Variants in MINAR1 observed in about 807,000 individuals in gnomAD.
The protein encoded by MINAR1 is membrane integral NOTCH2 associated receptor 1.
A neutral mutation model predicts 65.1 loss-of-function variants in MINAR1; 40 were observed. The observed-to-expected ratio is 0.61, with a 90% CI of 0.48 to 0.80. The LOEUF is 0.80. Ranked by LOEUF, MINAR1 falls within the 30% of genes least tolerant of loss-of-function variation. The probability of loss-of-function intolerance (pLI) is 0.00; values close to 1 mark genes in which losing one functional copy is unlikely to be tolerated. For missense variants in MINAR1, 1,128 were observed against 1,148.0 expected (o/e 0.98, Z 0.25); for synonymous variants, 482 against 449.1 (o/e 1.07, Z -0.93).
chr15:79,446,234 A>G (rs1334306914), intron 1 of MINAR1, among the ~76,000 whole-genome samples: 1 of 152,176 alleles, frequency 6.6e-6, no homozygotes, highest in Non-Finnish European at 1.5e-5. Flanking sequence ...CCTCTTCCAG[A>G]TAACATAGTA....
chr15:79,421,446 T>C, the MINAR1 span: 3 of 152,286 alleles, frequency 2.0e-5, no homozygotes, highest in Admixed American at 6.5e-5. Flanking sequence ...CTCCTGCATC[T>C]TTGCCACTGC....
rs145019483 is a variant in MINAR1 at position 79,472,284 on chromosome 15, TAAAC to T, written c.*3901_*3904del. 0.02 allele frequency: 3,080 copies of T among 152,684 alleles called. 66 individuals are homozygous for T. Among genetic ancestry groups the T allele is most frequent in the Middle Eastern group, 0.058 (17 of 294 alleles). 9.5% of individuals were successfully genotyped at this position (152,684 alleles called of 1,614,324 possible). A position where few individuals can be genotyped will look rare whatever the true frequency, so the allele number is the denominator to read the frequency against. On this transcript the variant is annotated 3_prime_UTR_variant, in exon 4 of 4. Transcript: ENST00000305428. ...TGGCCTCTCCAAATATAATCAGAAA[TAAAC>T]CGAAAAAAATATAAAATGTCTTGCA...
chr15:79,412,072 C>G, the MINAR1 span: 3 of 145,132 alleles, frequency 2.1e-5, no homozygotes, highest in African/African-American at 7.5e-5. Context: ...CAAACCACAC[C>G]ATGTTTGCCA....
intron 3 of MINAR1, among the ~76,000 whole-genome samples, chr15:79,467,597 T>A (rs1462258703): frequency 6.6e-6 from 1 of 152,188 alleles, no homozygotes; most frequent in Admixed American, 6.5e-5. Flanking sequence ...GTGGGAACAG[T>A]CTGCCATGGG....
rs377731083 is a variant in MINAR1, at chr15:79,456,342, C to G, written c.195C>G (p.Phe65Leu). 11 of 1,614,094 alleles carry G rather than the reference C, an allele frequency of 6.8e-6. No homozygotes were observed. Among genetic ancestry groups the G allele is most frequent in the Non-Finnish European group, 9.3e-6 (11 of 1,180,052 alleles). ...CLDPNFPATL[F>L]KDKMKCTVNN... ...ATCCCAATTTTCCAGCCACGCTATT[C>G]AAAGACAAGATGAAATGCACTGTGA... Residue 65 changes from phenylalanine (F) to leucine (L), a missense_variant, in exon 2 of 4, where the codon TTC becomes TTG. Coordinates refer to ENST00000305428, the MANE Select transcript of MINAR1 (RefSeq NM_015206.3).
intron 3 of MINAR1, among the ~76,000 whole-genome samples, chr15:79,466,687 A>AGGGGTGCAGG (rs1895871357): frequency 6.6e-6 from 1 of 152,214 alleles, no homozygotes; most frequent in Admixed American, 6.5e-5. Flanking sequence ...ATAAAGCCTG[A>AGGGGTGCAGG]GGGGTGCAGG....
chr15:79,443,730 C>T (rs951126246), intron 1 of MINAR1, among the ~76,000 whole-genome samples: 1 of 152,066 alleles, frequency 6.6e-6, no homozygotes, highest in African/African-American at 2.4e-5. Context: ...CATTTATTCC[C>T]CCACATTATT....
rs1895995498 is a variant in MINAR1 at position 79,469,499 on chromosome 15, CA to C, written c.*1116del. The C allele has an allele frequency of 2.0e-5, 3 of 152,496 alleles. No individual in the cohort carries two copies. The South Asian group carries it at 6.2e-4, about 32-fold the overall frequency. 9.4% of individuals were successfully genotyped at this position (152,496 alleles called of 1,614,324 possible). A position where few individuals can be genotyped will look rare whatever the true frequency, so the allele number is the denominator to read the frequency against. On this transcript the variant is annotated 3_prime_UTR_variant, in exon 4 of 4. Coordinates refer to ENST00000305428, the MANE Select transcript of MINAR1 (RefSeq NM_015206.3). ...CTCCAGAGTTTTGAATACTTGTCAG[CA>C]GTGCAAAAAATATTATCTGTTTAAC...
In MINAR1 at chr15:79,457,615, C is replaced by A. The variant is rs1429242632; in HGVS notation, c.1468C>A (p.Leu490Met). The change falls in exon 2 of 4, where the codon CTG becomes ATG. Residue 490 changes from leucine to methionine, a missense_variant. Coordinates refer to ENST00000305428, the MANE Select transcript of MINAR1 (RefSeq NM_015206.3). ...GCTGGAGCCCAAGAAATGCAGAGAC[C>A]TGTGCACCTCTGGTCAGGGCAAGTA... Reference protein sequence around the residue: ...HVLEPKKCRDLCTSGQGKYSD... With the variant: ...HVLEPKKCRDMCTSGQGKYSD... The A allele has an allele frequency of 6.2e-7, 1 of 1,614,156 alleles. No individual in the cohort carries two copies. The highest frequency in any genetic ancestry group is 1.7e-5 in the Admixed American group (1 of 60,020).
intron 1 of MINAR1, among the ~76,000 whole-genome samples, chr15:79,449,161 C>T (rs1019486781): frequency 1.3e-5 from 2 of 152,154 alleles, no homozygotes; most frequent in East Asian, 1.9e-4. Context: ...TTCTTCCCTT[C>T]GCTGTATACG....
At chr15:79,463,713 T>A (rs1033590519) in intron 3 of MINAR1, 2 of 469,234 alleles carry the variant, frequency 4.3e-6, no homozygotes, top group Non-Finnish European at 8.5e-6. Flanking sequence ...ATAAGCATAT[T>A]TGTGGGAGCC....
At chr15:79,449,714 C>G (rs1895130520) in intron 1 of MINAR1, among the ~76,000 whole-genome samples, 1 of 152,074 alleles carries the variant, frequency 6.6e-6, no homozygotes, top group Non-Finnish European at 1.5e-5. Context: ...GGTCCTACTT[C>G]TTAAAACTAT....
chr15:79,452,640 GGGT>G (rs1567055304), intron 1 of MINAR1, among the ~76,000 whole-genome samples: 12 of 150,336 alleles, frequency 8.0e-5, no homozygotes, highest in African/African-American at 2.7e-4. Context: ...GTGTGTGTGT[GGGT>G]GTGTGTCTGG....
At chr15:79,422,229 C>T in the MINAR1 span, 1 of 152,222 alleles carries the variant, frequency 6.6e-6, no homozygotes, top group African/African-American at 2.4e-5. Context: ...GGAGGCACCA[C>T]TGTAAAACAT....
At chr15:79,444,609 T>C (rs1011767066) in intron 1 of MINAR1, among the ~76,000 whole-genome samples, 28 of 152,256 alleles carry the variant, frequency 1.8e-4, no homozygotes, top group African/African-American at 6.3e-4. Flanking sequence ...TAGTTTATAG[T>C]TTTGATATGT....
Position 79,437,692 on chromosome 15 carries a change from TGA to T in MINAR1, c.-51+5154_-51+5155del, listed in dbSNP as rs1894652535. Among the ~76,000 whole-genome samples the T allele has an allele frequency of 5.9e-5, 2 of 33,912 alleles. 1 individual carries two copies. The highest frequency in any genetic ancestry group is 2.0e-4 in the African/African-American group (2 of 10,060). 22.2% of individuals were successfully genotyped at this position (33,912 alleles called of 152,430 possible). ...TGTGGGGTGTGGGTGGCGTGGGTAG[TGA>T]GTGTGTGGGGTGTGGGTGTGGGTGG... On this transcript the variant is annotated intron_variant, in intron 1 of 3. Transcript: ENST00000305428.
chr15:79,447,303 C>A (rs1199142909), intron 1 of MINAR1, among the ~76,000 whole-genome samples: 2 of 152,148 alleles, frequency 1.3e-5, no homozygotes. Flanking sequence ...CTATTTAATG[C>A]CACTGTGTTT....
At chr15:79,426,570 C>G in the MINAR1 span, 1 of 152,268 alleles carries the variant, frequency 6.6e-6, no homozygotes, top group Non-Finnish European at 1.5e-5. Context: ...CTTGGAAAGG[C>G]CATTTGCAAA....
chr15:79,450,753 G>A (rs1341080990), intron 1 of MINAR1, among the ~76,000 whole-genome samples: 3 of 147,738 alleles, frequency 2.0e-5, no homozygotes, highest in Admixed American at 6.9e-5. Flanking sequence ...TTAGGCAGGC[G>A]TCTCTTGCTC....
Sources: allele counts gnomAD v4.1 joint callset (sites outside exome capture counted in the v4.1 genomes callset), GRCh38; gene constraint gnomAD v4.1.1; transcripts MANE v1.5; gene names NCBI Gene and HGNC (gene_info 2026-07-23, HGNC 2026-07-21).